TMEM132B: variants seen among roughly 807,000 people sequenced by gnomAD.
The protein encoded by TMEM132B is transmembrane protein 132B.
A neutral mutation model predicts 90.8 loss-of-function variants in TMEM132B; 18 were observed. The observed-to-expected ratio is 0.20, with a 90% CI of 0.14 to 0.29. The LOEUF (loss-of-function observed/expected upper bound fraction) is 0.29, where lower values mean the gene tolerates loss of function less well. Among genes scored for constraint, TMEM132B ranks in the 10% least tolerant of loss-of-function variants. The pLI is 1.00. For missense variants in TMEM132B, 1,096 were observed against 1,326.8 expected (o/e 0.83, Z 2.70); for synonymous variants, 504 against 523.3 (o/e 0.96, Z 0.50).
chr12:125,374,705 A>G (rs1878423329), intron 2 of TMEM132B, among the ~76,000 whole-genome samples: 2 of 149,828 alleles, frequency 1.3e-5, no homozygotes, highest in Middle Eastern at 3.4e-3. Flanking sequence ...GCAACCTTGC[A>G]TGTTGATCAA....
intron 2 of TMEM132B, among the ~76,000 whole-genome samples, chr12:125,354,821 A>C (rs531369154): frequency 1.3e-5 from 2 of 152,332 alleles, no homozygotes; most frequent in South Asian, 4.1e-4. Flanking sequence ...CTGTTAATTC[A>C]TACTTTTAAA....
chr12:125,481,116 T>C (rs543345023), intron 3 of TMEM132B, among the ~76,000 whole-genome samples: 6 of 152,282 alleles, frequency 3.9e-5, no homozygotes, highest in African/African-American at 1.2e-4. Flanking sequence ...CTCAAAATGA[T>C]AAGAGCTATT....
At chr12:125,328,928 C>G (rs1246847347) in intron 1 of TMEM132B, among the ~76,000 whole-genome samples, 2 of 152,164 alleles carry the variant, frequency 1.3e-5, no homozygotes, top group East Asian at 3.9e-4. Flanking sequence ...TTTGCTCTAT[C>G]CTCCCTGCAA....
At chr12:125,584,024 A>T in intron 5 of TMEM132B, 30 bp downstream of exon 5, 1 of 1,613,864 alleles carries the variant, frequency 6.2e-7, no homozygotes, top group Non-Finnish European at 8.5e-7. Context: ...CAGCTGTCCT[A>T]AGTGCTCAGA....
intron 1 of TMEM132B, among the ~76,000 whole-genome samples, chr12:125,236,610 T>C (rs1208372127): frequency 3.3e-5 from 5 of 152,208 alleles, no homozygotes; most frequent in African/African-American, 1.2e-4. Flanking sequence ...CTGTATACGG[T>C]GCTACCTTAG....
At chr12:125,624,112 A>G (rs1886175169) in intron 5 of TMEM132B, among the ~76,000 whole-genome samples, 2 of 152,336 alleles carry the variant, frequency 1.3e-5, no homozygotes, top group South Asian at 4.1e-4. Context: ...CAACAGAGAG[A>G]GATAAAGAAA....
At chr12:125,400,125 G>C (rs566648050) in intron 2 of TMEM132B, among the ~76,000 whole-genome samples, 1 of 152,308 alleles carries the variant, frequency 6.6e-6, no homozygotes, top group African/African-American at 2.4e-5. Context: ...TCTCTCAAAA[G>C]GTAACACATG....
At chr12:125,376,386 A>C (rs1878482528) in intron 2 of TMEM132B, among the ~76,000 whole-genome samples, 1 of 152,196 alleles carries the variant, frequency 6.6e-6, no homozygotes, top group Non-Finnish European at 1.5e-5. Flanking sequence ...TACAGATGGT[A>C]CCCATGCTAA....
intron 1 of TMEM132B, among the ~76,000 whole-genome samples, chr12:125,236,017 G>A (rs183211579): frequency 6.6e-6 from 1 of 152,052 alleles, no homozygotes; most frequent in African/African-American, 2.4e-5. Flanking sequence ...TGGCCAGGCT[G>A]GTCTTGAACT....
At position 125,654,974 on chromosome 12, in the gene TMEM132B, C is replaced by G. The variant is rs1489790456; in HGVS notation, c.*264C>G. ...TGGACTGCCTGGTACGAGCTCAGTG[C>G]AAATGTATTAAACCTGACCCCACAG... On this transcript the variant is annotated 3_prime_UTR_variant, in exon 9 of 9. Coordinates refer to ENST00000682704, the MANE Select transcript of TMEM132B (RefSeq NM_001366854.1). The surrounding 1 kb of genome is among the most constrained non-coding windows in gnomAD (Gnocchi z 5.8). 1.7e-5 allele frequency: 7 copies of G among 418,126 alleles called. No homozygotes were observed. The highest frequency in any genetic ancestry group is 3.0e-5 in the Non-Finnish European group (7 of 232,548). 25.9% of individuals were successfully genotyped at this position (418,126 alleles called of 1,614,324 possible).
intron 1 of TMEM132B, among the ~76,000 whole-genome samples, chr12:125,321,338 A>G (rs1382811354): frequency 6.6e-6 from 1 of 152,198 alleles, no homozygotes; most frequent in Non-Finnish European, 1.5e-5. Flanking sequence ...TACCATAATG[A>G]GATACCACTG....
intron 4 of TMEM132B, among the ~76,000 whole-genome samples, chr12:125,570,139 A>G (rs1248690533): frequency 6.6e-6 from 1 of 152,208 alleles, no homozygotes; most frequent in African/African-American, 2.4e-5. Flanking sequence ...ATGGGAAAAA[A>G]GAAACCTGGT....
At chr12:125,533,580 G>A (rs1007234174) in intron 4 of TMEM132B, among the ~76,000 whole-genome samples, 2 of 152,164 alleles carry the variant, frequency 1.3e-5, no homozygotes, top group Admixed American at 6.5e-5. Context: ...ATTGGCATCC[G>A]CCTCTCCTCC....
chr12:125,570,450 C>T (rs1439446494), intron 4 of TMEM132B, among the ~76,000 whole-genome samples: 1 of 152,232 alleles, frequency 6.6e-6, no homozygotes, highest in Non-Finnish European at 1.5e-5. Context: ...TCATCCCCAA[C>T]AGCCTTTGCT....
Position 125,543,564 on chromosome 12 carries a change from T to C in TMEM132B, c.1293+23939T>C, listed in dbSNP as rs79554309. On this transcript the variant is annotated intron_variant, in intron 4 of 8. Coordinates refer to ENST00000682704, the MANE Select transcript of TMEM132B (RefSeq NM_001366854.1). ...TTATGCAGATACCTAGGGATGACTGTAGTGCTTTTTAAATACCTTCTGCAT... is the reference window on the plus strand; with the variant it reads ...TTATGCAGATACCTAGGGATGACTGCAGTGCTTTTTAAATACCTTCTGCAT... Among the ~76,000 whole-genome samples the C allele has an allele frequency of 5.6e-4, 85 of 152,312 alleles. No homozygotes were observed. The East Asian group carries it at 7.9e-3, about 14-fold the overall frequency.
At chr12:125,236,874 G>T (rs1873948666) in intron 1 of TMEM132B, among the ~76,000 whole-genome samples, 1 of 152,242 alleles carries the variant, frequency 6.6e-6, no homozygotes, top group African/African-American at 2.4e-5. Flanking sequence ...CAGACCCCAA[G>T]ACAAAGATTT....
chr12:125,252,874 C>T (rs1472495654), intron 1 of TMEM132B, among the ~76,000 whole-genome samples: 1 of 152,200 alleles, frequency 6.6e-6, no homozygotes, highest in African/African-American at 2.4e-5. Context: ...TCAACATTTT[C>T]TTGAAACAGG....
intron 1 of TMEM132B, among the ~76,000 whole-genome samples, chr12:125,345,962 T>G (rs1390699111): frequency 6.6e-6 from 1 of 152,214 alleles, no homozygotes; most frequent in Admixed American, 6.5e-5. Context: ...AGTGTATTTC[T>G]CAGGACACAG....
intron 6 of TMEM132B, among the ~76,000 whole-genome samples, chr12:125,649,735 A>G (rs999757710): frequency 1.3e-5 from 2 of 152,168 alleles, no homozygotes; most frequent in South Asian, 2.1e-4. Context: ...CAGACTGGTC[A>G]GTAGTCACCA....
Sources: gnomAD v4.1 joint callset for allele counts (sites outside exome capture counted in the v4.1 genomes callset) on GRCh38, gnomAD v4.1.1 for gene constraint, Gnocchi (gnomAD v3.1) non-coding constraint, MANE v1.5 for transcripts, NCBI Gene and HGNC (gene_info 2026-07-23, HGNC 2026-07-21) for gene names.